KLHL29: variants seen among roughly 807,000 people sequenced by gnomAD.
The protein encoded by KLHL29 is kelch like family member 29, also known as kelch-like protein 29.
A neutral mutation model predicts 80.4 loss-of-function variants in KLHL29; 21 were observed. That is an observed-to-expected ratio of 0.26 (90% CI 0.19 to 0.38). The LOEUF (loss-of-function observed/expected upper bound fraction) is 0.38, where lower values mean the gene tolerates loss of function less well. Among genes scored for constraint, KLHL29 ranks in the 10% least tolerant of loss-of-function variants. KLHL29 has a pLI of 1.00. For missense variants in KLHL29, 867 were observed against 1,223.9 expected (o/e 0.71, Z 4.35); for synonymous variants, 511 against 526.8 (o/e 0.97, Z 0.41).
chr2:23,621,149 G>A (rs568437721), intron 3 of KLHL29, among the ~76,000 whole-genome samples: 47 of 152,350 alleles, frequency 3.1e-4, no homozygotes, highest in South Asian at 2.7e-3. Flanking sequence ...CTTGGAAAGC[G>A]TCCAGTCTAT....
chr2:23,418,642 T>C (rs1032714578), intron 1 of KLHL29, among the ~76,000 whole-genome samples: 8 of 151,736 alleles, frequency 5.3e-5, no homozygotes, highest in African/African-American at 1.9e-4. Context: ...CGGGGGAGGG[T>C]AGTAAGGGAA....
chr2:23,511,890 C>A (rs557697662), intron 2 of KLHL29, among the ~76,000 whole-genome samples: 1 of 152,210 alleles, frequency 6.6e-6, no homozygotes, highest in African/African-American at 2.4e-5. Context: ...GTTCTGACTC[C>A]AGCAGGTGAG....
At chr2:23,705,680 A>G (rs1470345694) in intron 13 of KLHL29, among the ~76,000 whole-genome samples, 1 of 152,158 alleles carries the variant, frequency 6.6e-6, no homozygotes, top group Non-Finnish European at 1.5e-5. Flanking sequence ...TCTCTTTAAG[A>G]GATTTCAGAA....
intron 5 of KLHL29, among the ~76,000 whole-genome samples, chr2:23,673,705 A>T (rs796120398): frequency 8.1e-5 from 12 of 147,392 alleles, no homozygotes; most frequent in African/African-American, 2.3e-4. Context: ...CCTCTCTCTC[A>T]CACACACACA....
chr2:23,403,051 CAAAG>C (rs1030465248), intron 1 of KLHL29, among the ~76,000 whole-genome samples: 2 of 151,284 alleles, frequency 1.3e-5, no homozygotes, highest in African/African-American at 2.4e-5. Flanking sequence ...TATATGAAAA[CAAAG>C]AACATAGATA....
chr2:23,482,981 A>G (rs554679596), intron 2 of KLHL29, among the ~76,000 whole-genome samples: 2 of 152,166 alleles, frequency 1.3e-5, no homozygotes, highest in Non-Finnish European at 2.9e-5. Context: ...CAGCCAGTAC[A>G]TACGAATTCT....
At chr2:23,422,239 G>A (rs531220945) in intron 1 of KLHL29, among the ~76,000 whole-genome samples, 1 of 151,908 alleles carries the variant, frequency 6.6e-6, no homozygotes, top group Non-Finnish European at 1.5e-5. Context: ...GTGTGTTTGT[G>A]TGTGTGTTCA....
chr2:23,660,364 G>A (rs1670371264), intron 5 of KLHL29, among the ~76,000 whole-genome samples: 1 of 152,162 alleles, frequency 6.6e-6, no homozygotes, highest in African/African-American at 2.4e-5. Flanking sequence ...CAGAGCCAAG[G>A]CAGCTTGCCC....
intron 1 of KLHL29, among the ~76,000 whole-genome samples, chr2:23,442,283 G>A (rs1031694682): frequency 6.6e-6 from 1 of 151,966 alleles, no homozygotes; most frequent in African/African-American, 2.4e-5. Context: ...TGTAGATATG[G>A]GGTCTCCCTG....
chr2:23,467,710 A>C (rs1560592), intron 1 of KLHL29, among the ~76,000 whole-genome samples: 1 of 152,152 alleles, frequency 6.6e-6, no homozygotes, highest in Admixed American at 6.5e-5. Context: ...CATCTGCCCG[A>C]AGGTCTTGAT....
At chr2:23,670,487 T>C in intron 5 of KLHL29, among the ~76,000 whole-genome samples, 1 of 152,036 alleles carries the variant, frequency 6.6e-6, no homozygotes, top group Admixed American at 6.5e-5. Flanking sequence ...GATGAGGGGC[T>C]GACTCCCAAC....
chr2:23,505,373 C>A (rs1418241803), intron 2 of KLHL29, among the ~76,000 whole-genome samples: 1 of 152,194 alleles, frequency 6.6e-6, no homozygotes, highest in Non-Finnish European at 1.5e-5. Context: ...CGGCTGGGGC[C>A]CTGATGGACA....
At chr2:23,590,574 C>T (rs1046652109) in intron 3 of KLHL29, among the ~76,000 whole-genome samples, 1 of 152,156 alleles carries the variant, frequency 6.6e-6, no homozygotes, top group African/African-American at 2.4e-5. Context: ...CCTGGTTCCC[C>T]TCCAGACCTG....
chr2:23,478,051 G>A (rs940402753), intron 2 of KLHL29, among the ~76,000 whole-genome samples: 7 of 152,164 alleles, frequency 4.6e-5, no homozygotes, highest in Non-Finnish European at 7.4e-5. Flanking sequence ...CTGGTCAGAT[G>A]CACCCTATGT....
chr2:23,501,265 C>G (rs1018606434), intron 2 of KLHL29, among the ~76,000 whole-genome samples: 1 of 151,974 alleles, frequency 6.6e-6, no homozygotes. Context: ...TAGACCGGGT[C>G]CAATTGGTAT....
At chr2:23,577,131 C>G (rs577251751) in intron 3 of KLHL29, among the ~76,000 whole-genome samples, 1 of 152,348 alleles carries the variant, frequency 6.6e-6, no homozygotes, top group Admixed American at 6.5e-5. Flanking sequence ...TTAGTTCAGA[C>G]CTGGTGTCTC....
At chr2:23,425,621 TGAAAG>T (rs1211219840) in intron 1 of KLHL29, among the ~76,000 whole-genome samples, 2 of 152,078 alleles carry the variant, frequency 1.3e-5, no homozygotes, top group South Asian at 2.1e-4. Flanking sequence ...GAGACACAGA[TGAAAG>T]GAAGCCAGTG....
intron 2 of KLHL29, among the ~76,000 whole-genome samples, chr2:23,536,887 A>ATC (rs1303596825): frequency 1.6e-3 from 162 of 100,484 alleles, no homozygotes; most frequent in Middle Eastern, 0.012. Flanking sequence ...CGAAAGACAG[A>ATC]TCTCACACAC....
intron 3 of KLHL29, among the ~76,000 whole-genome samples, chr2:23,599,434 C>G (rs148622927): frequency 4.6e-5 from 7 of 152,044 alleles, no homozygotes; most frequent in African/African-American, 1.4e-4. Flanking sequence ...CTATCATTGA[C>G]TCCTAAAGTA....
Sources: allele counts gnomAD v4.1 joint callset (sites outside exome capture counted in the v4.1 genomes callset), GRCh38; gene constraint gnomAD v4.1.1; transcripts MANE v1.5; gene names NCBI Gene and HGNC (gene_info 2026-07-23, HGNC 2026-07-21).